Variants in MYO1E observed in about 807,000 individuals in gnomAD.
The protein encoded by MYO1E is unconventional myosin-Ie.
MYO1E carries 68 observed loss-of-function variants against 151.1 expected under a neutral mutation model. The ratio of observed to expected loss-of-function variants is 0.45; its 90% confidence interval spans 0.37 to 0.55. The LOEUF is 0.55. Among genes scored for constraint, MYO1E ranks in the 20% least tolerant of loss-of-function variants. The pLI is 0.00. For missense variants in MYO1E, 1,363 were observed against 1,389.3 expected, an observed-to-expected ratio of 0.98 and a Z score of 0.30; for synonymous variants, 601 against 501.7, an observed-to-expected ratio of 1.20 and a Z score of -2.64.
At chr15:59,211,219 G>T (rs1293707550) in intron 12 of MYO1E, among the ~76,000 whole-genome samples, 2 of 148,630 alleles carry the variant, frequency 1.3e-5, no homozygotes. Context: ...AAAAAAAATT[G>T]AATATAGGAC....
chr15:59,324,115 A>G (rs1299116124), intron 1 of MYO1E, among the ~76,000 whole-genome samples: 6 of 152,186 alleles, frequency 3.9e-5, no homozygotes, highest in Admixed American at 2.6e-4. Context: ...TAAGTAAGAA[A>G]AGAAGGCTCA....
At chr15:59,162,750 C>A (rs1310742529) in intron 23 of MYO1E, among the ~76,000 whole-genome samples, 1 of 151,456 alleles carries the variant, frequency 6.6e-6, no homozygotes, top group Non-Finnish European at 1.5e-5. Context: ...TACCAATAAA[C>A]AGGTTTTATT....
rs1309666735 is a variant in MYO1E, at chr15:59,216,590, G to GTATCTATCTATC, written c.1107+1300_1107+1301insGATAGATAGATA. On this transcript the variant is annotated intron_variant, in intron 10 of 27. Transcript: ENST00000288235. ...TATATAAGAGTTTATGTGTGTGTGT[G>GTATCTATCTATC]TGTGTATCTATCTATCTATCTATCT... is the stretch of plus-strand genomic sequence containing the variant. Among the ~76,000 whole-genome samples, 79 of 61,250 alleles carry GTATCTATCTATC rather than the reference G, an allele frequency of 1.3e-3. 1 individual carries two copies. The highest frequency in any genetic ancestry group is 4.5e-3 in the African/African-American group (74 of 16,574). The allele number at this position is 61,250 out of a possible 152,430, so 40.2% of individuals were successfully genotyped here.
chr15:59,165,692 A>G (rs2079559651), intron 22 of MYO1E, among the ~76,000 whole-genome samples: 2 of 152,186 alleles, frequency 1.3e-5, no homozygotes, highest in African/African-American at 4.8e-5. Context: ...AAACCCCAAA[A>G]AGCACTTATG....
chr15:59,290,712 T>C (rs774494698), intron 1 of MYO1E, among the ~76,000 whole-genome samples: 33 of 152,328 alleles, frequency 2.2e-4, no homozygotes, highest in Admixed American at 3.3e-4. Flanking sequence ...GTAGGCAAGA[T>C]AGACATCAAT....
At chr15:59,282,006 C>T (rs1490370491) in intron 1 of MYO1E, among the ~76,000 whole-genome samples, 1 of 151,984 alleles carries the variant, frequency 6.6e-6, no homozygotes, top group African/African-American at 2.4e-5. Flanking sequence ...GTAAAATACA[C>T]CAGTGTGGGG....
chr15:59,173,653 T>C, intron 21 of MYO1E, 93 bp downstream of exon 21: 1 of 1,511,300 alleles, frequency 6.6e-7, no homozygotes, highest in Admixed American at 1.7e-5. Flanking sequence ...AACGAACACA[T>C]TCTGATTTGG....
intron 22 of MYO1E, among the ~76,000 whole-genome samples, chr15:59,165,153 C>A (rs1230953243): frequency 6.6e-6 from 1 of 152,126 alleles, no homozygotes; most frequent in Non-Finnish European, 1.5e-5. Context: ...TTCAGTCCTC[C>A]TACAGGAAAG....
chr15:59,207,901 C>A, intron 14 of MYO1E: 1 of 1,614,100 alleles, frequency 6.2e-7, no homozygotes, highest in Non-Finnish European at 8.5e-7. Context: ...GAGAATACAT[C>A]CAGTTTCCAC....
chr15:59,230,458 C>A (rs2080021685), intron 6 of MYO1E, among the ~76,000 whole-genome samples: 1 of 151,020 alleles, frequency 6.6e-6, no homozygotes, highest in African/African-American at 2.4e-5. Flanking sequence ...TCCAAGGAAT[C>A]CAAGACAGGG....
chr15:59,254,886 C>T (rs1272073206), intron 4 of MYO1E, among the ~76,000 whole-genome samples: 9 of 151,770 alleles, frequency 5.9e-5, no homozygotes, highest in African/African-American at 9.7e-5. Flanking sequence ...ACTGCAGTGG[C>T]GTGATCTTGG....
intron 4 of MYO1E, among the ~76,000 whole-genome samples, chr15:59,237,673 C>T (rs1057337196): frequency 6.6e-6 from 1 of 152,206 alleles, no homozygotes; most frequent in Non-Finnish European, 1.5e-5. Context: ...TTTTAGGGCG[C>T]AGAGCAAATG....
chr15:59,281,287 T>C (rs1007084378), intron 1 of MYO1E, among the ~76,000 whole-genome samples: 35 of 151,908 alleles, frequency 2.3e-4, no homozygotes, highest in Non-Finnish European at 3.8e-4. Flanking sequence ...TTTCTTTTTT[T>C]TTTTCTGAGA....
At position 59,223,235 on chromosome 15, in the gene MYO1E, C is replaced by T. The variant is rs2306779; in HGVS notation, c.778-44G>A. 990,516 of 1,610,880 alleles carry T rather than the reference C, an allele frequency of 0.61. 317,264 individuals are homozygous for T. The highest frequency in any genetic ancestry group is 0.68 in the Non-Finnish European group (798,436 of 1,178,900). On this transcript the variant is annotated intron_variant, in intron 8 of 27. Coordinates refer to ENST00000288235, the MANE Select transcript of MYO1E (RefSeq NM_004998.4). The stretch of plus-strand genomic sequence containing the variant: ...ACTATCCAGAGAAGCTGGTCACCAG[C>T]TTTAAAAGCACCTTAGGAAGAAGCC...
At position 59,188,170 on chromosome 15, in the gene MYO1E, C is replaced by A. The variant is rs2079710487; in HGVS notation, c.1852G>T (p.Val618Leu). The change falls in exon 18 of 28, where the codon GTG becomes TTG. Residue 618 changes from valine to leucine, a missense_variant. Physicochemically the swap from Val to Leu is conservative, Grantham distance 32. Transcript: ENST00000288235. The part of the protein sequence containing the change: ...EYLGLKENIR[V>L]RRAGYAYRRI... ...CGATAGGCATAGCCAGCTCTTCTCA[C>A]TCGAATGTTCTCTTTCAGACCCAAA... 6.2e-7 allele frequency: 1 copy of A among 1,614,056 alleles called. No individual in the cohort carries two copies. The highest frequency in any genetic ancestry group is 1.7e-5 in the Admixed American group (1 of 60,008).
chr15:59,172,360 A>T (rs1467267970), intron 21 of MYO1E, among the ~76,000 whole-genome samples: 3 of 152,176 alleles, frequency 2.0e-5, no homozygotes, highest in African/African-American at 7.2e-5. Flanking sequence ...CCGTCTCAAA[A>T]AAAGGTGGAC....
intron 1 of MYO1E, among the ~76,000 whole-genome samples, chr15:59,294,767 C>G (rs1371227102): frequency 6.6e-6 from 1 of 152,192 alleles, no homozygotes; most frequent in Non-Finnish European, 1.5e-5. Context: ...ATAGCCCACT[C>G]TCCTTGCCAG....
chr15:59,312,787 G>A (rs1027864133), intron 1 of MYO1E, among the ~76,000 whole-genome samples: 15 of 152,244 alleles, frequency 9.9e-5, no homozygotes, highest in Admixed American at 5.9e-4. Context: ...TTGGGAAGCC[G>A]AGGCAGGTAG....
chr15:59,158,269 G>A lies in MYO1E; in HGVS notation c.2878+18C>T, dbSNP rs759274124. ...TCCAGATTTAGTGGTCCCAGACTACGGTACGTAGCTGGCTTACCTGGGGGA... is the reference window on the plus strand; with the variant it reads ...TCCAGATTTAGTGGTCCCAGACTACAGTACGTAGCTGGCTTACCTGGGGGA... On this transcript the variant is annotated intron_variant, in intron 25 of 27. Transcript: ENST00000288235. 15 of 1,532,982 alleles carry A rather than the reference G, an allele frequency of 9.8e-6. No homozygotes were observed. In the Admixed American group the frequency reaches 1.9e-4, roughly 19 times the overall value. 95.0% of individuals were successfully genotyped at this position (1,532,982 alleles called of 1,614,324 possible). A position where few individuals can be genotyped will look rare whatever the true frequency, so the allele number is the denominator to read the frequency against.
Sources: gnomAD v4.1 joint callset for allele counts (sites outside exome capture counted in the v4.1 genomes callset) on GRCh38, gnomAD v4.1.1 for gene constraint, MANE v1.5 for transcripts, NCBI Gene and HGNC (gene_info 2026-07-23, HGNC 2026-07-21) for gene names.